LCORL: variants seen among roughly 807,000 people sequenced by gnomAD.
LCORL encodes ligand dependent nuclear receptor corepressor like, also known as ligand-dependent nuclear receptor corepressor-like protein.
In LCORL, 41 loss-of-function variants were observed where a neutral mutation model predicts 141.8. The observed-to-expected ratio is 0.29, with a 90% CI of 0.23 to 0.38. The LOEUF is 0.38. Among genes scored for constraint, LCORL ranks in the 10% least tolerant of loss-of-function variants. The pLI is 1.00. For synonymous variants in LCORL, 618 were observed against 694.1 expected (o/e 0.89, Z 1.72); for missense variants, 1,759 against 2,035.0 (o/e 0.86, Z 2.61).
intron 1 of LCORL, among the ~76,000 whole-genome samples, chr4:17,987,647 C>G (rs986640813): frequency 6.6e-6 from 1 of 152,086 alleles, no homozygotes; most frequent in African/African-American, 2.4e-5. Flanking sequence ...CTTCACCATT[C>G]CTATAACAAT....
At chr4:17,947,467 G>GT (rs535027694) in intron 4 of LCORL, among the ~76,000 whole-genome samples, 122 of 150,924 alleles carry the variant, frequency 8.1e-4, no homozygotes, top group Non-Finnish European at 1.5e-3. Flanking sequence ...GGATTTGTTG[G>GT]TTTTTTTTTA....
rs34770223 is a variant in LCORL at position 17,898,652 on chromosome 4, G to GTTTTTTTTTTT, written c.682+10431_682+10441dup. On this transcript the variant is annotated intron_variant, in intron 5 of 7. Coordinates refer to ENST00000635767, the Ensembl canonical transcript of LCORL. ...TCACTATCAAGAGATCATTCTCACCGTTTTTTTTTTTTTTTTTTTGATGTT... is the reference window on the plus strand; with the variant it reads ...TCACTATCAAGAGATCATTCTCACCGTTTTTTTTTTTTTTTTTTTTTTTTTTTTTTGATGTT... 1.0e-4 allele frequency among the ~76,000 whole-genome samples: 12 copies of GTTTTTTTTTTT among 119,262 alleles called. 1 individual carries two copies. The highest frequency in any genetic ancestry group is 2.8e-4 in the African/African-American group (9 of 32,392). The allele number at this position is 119,262 out of a possible 152,430, so 78.2% of individuals were successfully genotyped here. A position where few individuals can be genotyped will look rare whatever the true frequency, so the allele number is the denominator to read the frequency against.
chr4:18,008,761 A>G (rs961014), intron 1 of LCORL, among the ~76,000 whole-genome samples: 66,538 of 152,058 alleles, frequency 0.44, 17,055 homozygotes, highest in Non-Finnish European at 0.58. Flanking sequence ...TTGGTGCTGG[A>G]AAATCTGTAA....
exon 8 of LCORL, chr4:17,843,607 G>GA (rs891982411): frequency 4.9e-5 from 26 of 528,526 alleles, no homozygotes; most frequent in Non-Finnish European, 8.2e-5. Flanking sequence ...TTATAGTCCA[G>GA]AAAAAGTGTG....
At chr4:17,903,118 G>A (rs772421304) in intron 5 of LCORL, among the ~76,000 whole-genome samples, 10 of 152,042 alleles carry the variant, frequency 6.6e-5, no homozygotes, top group Non-Finnish European at 1.3e-4. Flanking sequence ...TATCTGTGGC[G>A]TCTGAGGATG....
At chr4:17,995,131 A>AT (rs1320557226) in intron 1 of LCORL, among the ~76,000 whole-genome samples, 7 of 149,860 alleles carry the variant, frequency 4.7e-5, no homozygotes, top group South Asian at 2.1e-4. Flanking sequence ...AAGACAACCC[A>AT]TTTTTTGTCT....
chr4:18,003,308 T>A (rs1051971108), intron 1 of LCORL, among the ~76,000 whole-genome samples: 4 of 152,114 alleles, frequency 2.6e-5, no homozygotes, highest in Non-Finnish European at 5.9e-5. Context: ...GAGGCTGACT[T>A]CAACTGGAGT....
intron 7 of LCORL, among the ~76,000 whole-genome samples, chr4:17,870,080 C>T (rs1726155504): frequency 6.6e-6 from 1 of 152,102 alleles, no homozygotes; most frequent in African/African-American, 2.4e-5. Flanking sequence ...TTTTCCCACT[C>T]CCTCCTGATC....
intron 6 of LCORL, chr4:17,881,002 T>A (rs965363990): frequency 3.1e-6 from 3 of 983,124 alleles, no homozygotes; most frequent in Non-Finnish European, 3.6e-6. Flanking sequence ...AAAAAACAAA[T>A]ACAAGTATTT....
chr4:17,987,724 C>A (rs1248183148), intron 1 of LCORL, among the ~76,000 whole-genome samples: 1 of 152,140 alleles, frequency 6.6e-6, no homozygotes, highest in South Asian at 2.1e-4. Flanking sequence ...AGTCTCATTT[C>A]CCTAGTGACT....
intron 4 of LCORL, among the ~76,000 whole-genome samples, chr4:17,948,194 T>G: frequency 6.6e-6 from 1 of 151,994 alleles, no homozygotes; most frequent in East Asian, 1.9e-4. Context: ...GTAGAATCAA[T>G]AGGATTGAGG....
At chr4:17,936,746 T>G (rs1736928230) in intron 4 of LCORL, among the ~76,000 whole-genome samples, 1 of 152,196 alleles carries the variant, frequency 6.6e-6, no homozygotes, top group Admixed American at 6.5e-5. Flanking sequence ...CCTTTTCATG[T>G]ATGTGTTTCT....
rs1470029388 is a variant in LCORL at position 17,882,661 on chromosome 4, GAAATCT to G, written c.776+3401_776+3406del. On this transcript the variant is annotated intron_variant, in intron 6 of 7. Transcript: ENST00000635767. ...ATGATAATGTATCGCCCACCAAAATGAAATCTGCAATTCATTTTGATAAACTGAAAA... is the reference window on the plus strand; with the variant it reads ...ATGATAATGTATCGCCCACCAAAATGGCAATTCATTTTGATAAACTGAAAA... The G allele has an allele frequency of 3.8e-5, 37 of 984,700 alleles. No homozygotes were observed. The African/African-American group carries it at 6.5e-4, about 17-fold the overall frequency. 61.0% of individuals were successfully genotyped at this position (984,700 alleles called of 1,614,324 possible). A position where few individuals can be genotyped will look rare whatever the true frequency, so the allele number is the denominator to read the frequency against.
At chr4:18,006,292 G>T (rs909416129) in intron 1 of LCORL, among the ~76,000 whole-genome samples, 1 of 151,996 alleles carries the variant, frequency 6.6e-6, no homozygotes, top group East Asian at 1.9e-4. Flanking sequence ...GGATCTTATT[G>T]TTCATAACAC....
intron 6 of LCORL, chr4:17,883,598 AGAGT>A (rs1727864946): frequency 5.1e-6 from 7 of 1,369,234 alleles, no homozygotes; most frequent in South Asian, 4.2e-5. Flanking sequence ...GTCTCCTGTC[AGAGT>A]GAGCATTTGT....
chr4:18,004,310 G>A (rs1722444623), intron 1 of LCORL, among the ~76,000 whole-genome samples: 2 of 152,168 alleles, frequency 1.3e-5, no homozygotes, highest in Non-Finnish European at 2.9e-5. Context: ...ACATATCCAA[G>A]ACTGGGCAAT....
chr4:17,984,491 T>C (rs1200693576), intron 1 of LCORL, among the ~76,000 whole-genome samples: 1 of 151,996 alleles, frequency 6.6e-6, no homozygotes, highest in African/African-American at 2.4e-5. Flanking sequence ...CCTGGTTCAG[T>C]TGTATGGGGG....
intron 4 of LCORL, among the ~76,000 whole-genome samples, chr4:17,921,987 TTC>T (rs1227522155): frequency 1.3e-5 from 2 of 152,184 alleles, no homozygotes; most frequent in Non-Finnish European, 2.9e-5. Context: ...GCTCTCAGGC[TTC>T]TGACCACAGA....
At chr4:17,856,733 CA>C (rs1311852117) in intron 7 of LCORL, among the ~76,000 whole-genome samples, 1 of 152,162 alleles carries the variant, frequency 6.6e-6, no homozygotes, top group Admixed American at 6.5e-5. Flanking sequence ...TTATTCTACA[CA>C]GTCTCTTTGG....
Sources: allele counts gnomAD v4.1 joint callset (sites outside exome capture counted in the v4.1 genomes callset), GRCh38; gene constraint gnomAD v4.1.1; transcripts MANE v1.5; gene names NCBI Gene and HGNC (gene_info 2026-07-23, HGNC 2026-07-21).